The following KIAA2012 variants were observed in gnomAD, a reference collection of about 807,000 sequenced individuals.
The protein encoded by KIAA2012 is uncharacterized protein KIAA2012.
KIAA2012 carries 125 observed loss-of-function variants against 150.6 expected under a neutral mutation model. The observed-to-expected ratio is 0.83, with a 90% confidence interval of 0.72 to 0.96. The LOEUF is 0.96. Among genes scored for constraint, KIAA2012 ranks in the 40% least tolerant of loss-of-function variants. The pLI is 0.00. For synonymous variants in KIAA2012, 462 were observed against 504.7 expected, an observed-to-expected ratio of 0.92 and a Z score of 1.13; for missense variants, 1,219 against 1,354.9, an observed-to-expected ratio of 0.90 and a Z score of 1.57.
intron 4 of KIAA2012, 121 bp from the exon 5 acceptor site, chr2:202,097,314 G>T: frequency 7.0e-7 from 1 of 1,438,788 alleles, no homozygotes; most frequent in African/African-American, 1.4e-5. Context: ...GGAGGAGGGG[G>T]AGCAAGGGAG....
chr2:202,131,724 C>A (rs1690933333), intron 12 of KIAA2012, among the ~76,000 whole-genome samples: 1 of 152,152 alleles, frequency 6.6e-6, no homozygotes, highest in South Asian at 2.1e-4. Flanking sequence ...AGAAAGGATG[C>A]TCTAGGAGAA....
chr2:202,105,759 A>G lies in KIAA2012; in HGVS notation c.1325-2A>G. ...CAATTCAGCCTCCTCTTTGTCTCCTAGGTGCTCCACACCCTGAGTCAGAAC... is the reference window on the plus strand; with the variant it reads ...CAATTCAGCCTCCTCTTTGTCTCCTGGGTGCTCCACACCCTGAGTCAGAAC... On this transcript the variant is annotated splice_acceptor_variant, in intron 8 of 23. Coordinates refer to ENST00000498697, the MANE Select transcript of KIAA2012 (RefSeq NM_001277372.4). LOFTEE classifies it high-confidence loss of function. 1 of 1,550,236 alleles carries G rather than the reference A, an allele frequency of 6.5e-7. No homozygotes were observed. Among genetic ancestry groups the G allele is most frequent in the South Asian group, 1.2e-5 (1 of 84,004 alleles).
At chr2:202,100,274 T>G in intron 6 of KIAA2012, 33 bp from the exon 7 acceptor site, 1 of 1,537,894 alleles carries the variant, frequency 6.5e-7, no homozygotes, top group East Asian at 2.5e-5. Context: ...TACCTGCAAT[T>G]AATATATTCT....
chr2:202,144,478 G>A (rs538251211), intron 13 of KIAA2012, among the ~76,000 whole-genome samples: 6 of 151,802 alleles, frequency 4.0e-5, no homozygotes, highest in Admixed American at 2.6e-4. Context: ...TCATATCCCC[G>A]TCAGCTCTCC....
chr2:202,124,793 G>A (rs925983269), intron 11 of KIAA2012, among the ~76,000 whole-genome samples: 5 of 152,124 alleles, frequency 3.3e-5, no homozygotes, highest in Admixed American at 6.5e-5. Context: ...ATTCAAGGCC[G>A]GTGCGGTGGC....
chr2:202,099,558 G>A, intron 5 of KIAA2012, 55 bp from the exon 6 acceptor site: 1 of 1,427,682 alleles, frequency 7.0e-7, no homozygotes, highest in South Asian at 1.4e-5. Flanking sequence ...AAAGAAACCT[G>A]CTCTGCCCCT....
Position 202,132,802 on chromosome 2 carries a change from A to ATATTTTT in KIAA2012, c.1832-5629_1832-5628insATTTTTT, listed in dbSNP as rs1473790947. ...TATATATATGCGTATATATATATAT[A>ATATTTTT]TTTTTTTTTTCAGGCCAGGCACAGT... On this transcript the variant is annotated intron_variant, in intron 12 of 23. Coordinates refer to ENST00000498697, the MANE Select transcript of KIAA2012 (RefSeq NM_001277372.4). Among the ~76,000 whole-genome samples, 698 of 94,642 alleles carry ATATTTTT rather than the reference A, an allele frequency of 7.4e-3. 11 individuals are homozygous for ATATTTTT. The highest frequency in any genetic ancestry group is 0.015 in the South Asian group (45 of 2,910). 62.1% of individuals were successfully genotyped at this position (94,642 alleles called of 152,430 possible).
At chr2:202,105,664 A>T in intron 8 of KIAA2012, 97 bp from the exon 9 acceptor site, 1 of 1,449,334 alleles carries the variant, frequency 6.9e-7, no homozygotes, top group Non-Finnish European at 9.2e-7. Context: ...ACCAAACCAC[A>T]TGGTGTGAGC....
At chr2:202,125,121 A>G (rs1690748989) in intron 11 of KIAA2012, 93 bp from the exon 12 acceptor site, 7 of 1,003,196 alleles carry the variant, frequency 7.0e-6, no homozygotes, top group East Asian at 2.6e-5. Flanking sequence ...CACTGAGGCA[A>G]TCACTTCATG....
intron 2 of KIAA2012, among the ~76,000 whole-genome samples, chr2:202,089,957 T>C (rs984384044): frequency 2.6e-5 from 4 of 152,220 alleles, no homozygotes; most frequent in Non-Finnish European, 5.9e-5. Flanking sequence ...AGAAAATGGA[T>C]TCTGAGATCA....
rs187189597 is a variant in KIAA2012, at chr2:202,136,135, A to G, written c.1832-2297A>G. The G allele has an allele frequency of 1.3e-3, 355 of 277,494 alleles. 2 individuals carry two copies. The highest frequency in any genetic ancestry group is 1.7e-3 in the Middle Eastern group (2 of 1,210). The allele number at this position is 277,494 out of a possible 1,614,324, so 17.2% of individuals were successfully genotyped here. A position where few individuals can be genotyped will look rare whatever the true frequency, so the allele number is the denominator to read the frequency against. On this transcript the variant is annotated intron_variant, in intron 12 of 23. Transcript: ENST00000498697. ...CAGTTCTTAAAGGTGGTGTGTCCAG[A>G]GTTTATTCCTTCTGGTGGGTTCGTG...
rs11442295 is a variant in KIAA2012, at chr2:202,143,442, T to TAAA, written c.1908+4944_1908+4946dup. 1.4e-5 allele frequency among the ~76,000 whole-genome samples: 2 copies of TAAA among 145,752 alleles called. 1 individual carries two copies. The highest frequency in any genetic ancestry group is 5.0e-5 in the African/African-American group (2 of 39,702). ...TAAGTCAACTATGACTGCAACTATG[T>TAAA]AAAAAAAAAAAATGTATCTATTCGG... On this transcript the variant is annotated intron_variant, in intron 13 of 23. Transcript: ENST00000498697.
intron 2 of KIAA2012, among the ~76,000 whole-genome samples, chr2:202,087,463 A>C (rs1219688601): frequency 7.3e-6 from 1 of 137,898 alleles, no homozygotes; most frequent in Admixed American, 8.3e-5. Flanking sequence ...TAGTGAACCA[A>C]GTTAGTGCCA....
intron 14 of KIAA2012, among the ~76,000 whole-genome samples, chr2:202,159,773 C>T (rs1055437835): frequency 2.0e-5 from 3 of 152,114 alleles, no homozygotes; most frequent in African/African-American, 7.2e-5. Flanking sequence ...ACCCGGGAGG[C>T]GGAGGTTGCA....
intron 12 of KIAA2012, chr2:202,125,711 A>G (rs1690766751): frequency 8.3e-6 from 3 of 363,628 alleles, no homozygotes; most frequent in South Asian, 6.3e-5. Context: ...TTTTCAATGG[A>G]AGACTGAGGC....
At chr2:202,194,437 C>A (rs1692376879) in intron 21 of KIAA2012, 75 bp downstream of exon 21, 1 of 1,474,482 alleles carries the variant, frequency 6.8e-7, no homozygotes, top group South Asian at 1.3e-5. Flanking sequence ...TGTGAGTGTT[C>A]ATTTATTCCT....
intron 15 of KIAA2012, among the ~76,000 whole-genome samples, chr2:202,167,381 G>T (rs1438742228): frequency 6.6e-6 from 1 of 152,206 alleles, no homozygotes; most frequent in Non-Finnish European, 1.5e-5. Flanking sequence ...CTGGGCTGAG[G>T]CCTGACGATT....
At chr2:202,146,757 C>A (rs1375118473) in intron 13 of KIAA2012, among the ~76,000 whole-genome samples, 2 of 151,864 alleles carry the variant, frequency 1.3e-5, no homozygotes, top group Admixed American at 1.3e-4. Flanking sequence ...CATGGTCATA[C>A]GACCGCACTC....
chr2:202,189,572 G>A (rs979926744), intron 18 of KIAA2012, among the ~76,000 whole-genome samples: 1 of 152,038 alleles, frequency 6.6e-6, no homozygotes, highest in South Asian at 2.1e-4. Context: ...TTACAAGTGT[G>A]AGCCACCACG....
Sources: allele counts gnomAD v4.1 joint callset (sites outside exome capture counted in the v4.1 genomes callset), GRCh38; gene constraint gnomAD v4.1.1; transcripts MANE v1.5; gene names NCBI Gene and HGNC (gene_info 2026-07-23, HGNC 2026-07-21).